The following PHACTR2 variants were observed in gnomAD, a reference collection of about 807,000 sequenced individuals.
PHACTR2 encodes the protein phosphatase and actin regulator 2.
In PHACTR2, 30 loss-of-function variants were observed where a neutral mutation model predicts 76.0. The ratio of observed to expected loss-of-function variants is 0.39; its 90% CI spans 0.30 to 0.54. The LOEUF (loss-of-function observed/expected upper bound fraction) is 0.54. PHACTR2 is among the 20% of genes least tolerant of loss of function. The probability of loss-of-function intolerance (pLI) is 0.61; values close to 1 mark genes in which losing one functional copy is unlikely to be tolerated. For synonymous variants in PHACTR2, 292 were observed against 292.5 expected (o/e 1.00, Z 0.02); for missense variants, 696 against 781.1 (o/e 0.89, Z 1.30).
chr6:143,735,293 A>T (rs993194989), intron 2 of PHACTR2, among the ~76,000 whole-genome samples: 17 of 152,344 alleles, frequency 1.1e-4, no homozygotes, highest in Admixed American at 9.8e-4. Flanking sequence ...AGATAATAAA[A>T]AAACATGATT....
intron 6 of PHACTR2, among the ~76,000 whole-genome samples, chr6:143,771,223 T>TAC (rs1775126900): frequency 8.8e-6 from 1 of 114,134 alleles, no homozygotes; most frequent in Non-Finnish European, 1.8e-5. Flanking sequence ...TATATATATA[T>TAC]ATATATATAT....
rs1332745578 is a variant in PHACTR2 at position 143,596,039 on chromosome 6, G to C, written c.217+58832G>C. On this transcript the variant is annotated intron_variant, in intron 1 of 11. Transcript: ENST00000367584. This position sits in a 1 kb window ranked among gnomAD's most constrained non-coding sequence, Gnocchi z 4.6. ...TACTTTAAAGAATAAAAGAACACTT[G>C]AGAATGATTCAGTTGGCGGAGATTC... Among the ~76,000 whole-genome samples the C allele has an allele frequency of 6.6e-6, 1 of 152,174 alleles. No individual in the cohort carries two copies. Among genetic ancestry groups the C allele is most frequent in the East Asian group, 1.9e-4 (1 of 5,204 alleles).
chr6:143,666,036 C>T (rs927709009), intron 1 of PHACTR2, among the ~76,000 whole-genome samples: 1 of 151,006 alleles, frequency 6.6e-6, no homozygotes, highest in Non-Finnish European at 1.5e-5. Context: ...CCCCAAACCA[C>T]CCCCCAACAG....
chr6:143,791,834 T>C lies in PHACTR2; in HGVS notation c.1845+2924T>C, dbSNP rs1197771160. The stretch of plus-strand genomic sequence containing the variant: ...TTAAAAATATAATTTTTAAACTGGA[T>C]TGTCAAAATGAGTTATTTTATACTA... On this transcript the variant is annotated intron_variant, in intron 11 of 12. Transcript: ENST00000440869. The surrounding 1 kb of genome is among the most constrained non-coding windows in gnomAD (Gnocchi z 4.7). Among the ~76,000 whole-genome samples, 7 of 152,180 alleles carry C rather than the reference T, an allele frequency of 4.6e-5. No homozygotes were observed. The East Asian group carries it at 1.3e-3, about 29-fold the overall frequency.
At position 143,652,560 on chromosome 6, in the gene PHACTR2, A is replaced by C. The variant is rs1399118915; in HGVS notation, c.13+44238A>C. 6.6e-6 allele frequency among the ~76,000 whole-genome samples: 1 copy of C among 152,192 alleles called. No individual in the cohort carries two copies. Among genetic ancestry groups the C allele is most frequent in the African/African-American group, 2.4e-5 (1 of 41,444 alleles). ...CTTGTGGATATTTGTGAGTACACTT[A>C]AGTGTTTTTGTTTTCCACTATGCTA... is the stretch of plus-strand genomic sequence containing the variant. On this transcript the variant is annotated intron_variant, in intron 1 of 11. Coordinates refer to the PHACTR2 transcript ENST00000305766. This position sits in a 1 kb window ranked among gnomAD's most constrained non-coding sequence, Gnocchi z 4.5.
In PHACTR2 at chr6:143,581,365, G is replaced by A. The variant is rs1434638542; in HGVS notation, c.217+44158G>A. Among the ~76,000 whole-genome samples the A allele has an allele frequency of 1.3e-5, 2 of 152,132 alleles. No individual in the cohort carries two copies. Among genetic ancestry groups the A allele is most frequent in the Non-Finnish European group, 2.9e-5 (2 of 68,016 alleles). On this transcript the variant is annotated intron_variant, in intron 1 of 11. Coordinates refer to the PHACTR2 transcript ENST00000367584. The surrounding 1 kb of genome is among the most constrained non-coding windows in gnomAD (Gnocchi z 4.5). ...TAATCCCAGCACTTTGGGAGGTCAA[G>A]ACAAGGAAGGAGGTGAGCTGACAGA...
intron 1 of PHACTR2, among the ~76,000 whole-genome samples, chr6:143,681,727 T>A (rs1453365881): frequency 6.6e-6 from 1 of 152,242 alleles, no homozygotes; most frequent in African/African-American, 2.4e-5. Flanking sequence ...GCTGTTACAT[T>A]TAGGTCAGTA....
chr6:143,600,270 T>G (rs1775798369), intron 1 of PHACTR2, among the ~76,000 whole-genome samples: 1 of 152,206 alleles, frequency 6.6e-6, no homozygotes, highest in South Asian at 2.1e-4. Context: ...TCCCTTTGTT[T>G]GCTGGTTTTG....
intron 1 of PHACTR2, among the ~76,000 whole-genome samples, chr6:143,706,229 G>A (rs76549390): frequency 0.034 from 5,247 of 152,118 alleles, 300 homozygotes; most frequent in African/African-American, 0.12. Context: ...CCCAGCTCTT[G>A]AAGCAGCCTT....
intron 1 of PHACTR2, among the ~76,000 whole-genome samples, chr6:143,576,451 A>G (rs77927343): frequency 0.01 from 1,542 of 152,376 alleles, 40 homozygotes; most frequent in East Asian, 0.055. Context: ...ACATTTATTT[A>G]CTTTAAGCAT....
intron 1 of PHACTR2, among the ~76,000 whole-genome samples, chr6:143,542,209 A>T (rs1168985716): frequency 6.6e-6 from 1 of 152,104 alleles, no homozygotes. Flanking sequence ...CCTGGTGTGG[A>T]CATGTGTGCC....
rs1273323053 is a variant in PHACTR2 at position 143,662,637 on chromosome 6, C to T, written c.14-49379C>T. 6.6e-6 allele frequency among the ~76,000 whole-genome samples: 1 copy of T among 152,106 alleles called. No individual in the cohort carries two copies. The highest frequency in any genetic ancestry group is 2.4e-5 in the African/African-American group (1 of 41,436). ...GCAAAACAGTAATATTTAAATTCACCTTCCTACTAGGGATGTTTCAGTTCT... is the reference window on the plus strand; with the variant it reads ...GCAAAACAGTAATATTTAAATTCACTTTCCTACTAGGGATGTTTCAGTTCT... On this transcript the variant is annotated intron_variant, in intron 1 of 11. Transcript: ENST00000305766. This position sits in a 1 kb window ranked among gnomAD's most constrained non-coding sequence, Gnocchi z 4.7.
Position 143,783,307 on chromosome 6 carries a change from CA to C in PHACTR2, c.1707+28del. Reference sequence around the variant, plus strand: ...TAATGAAATCATAACTATTAATGAGCATATGTGTTTTGAGATATACTTTTAA... The same window carrying C: ...TAATGAAATCATAACTATTAATGAGCTATGTGTTTTGAGATATACTTTTAA... On this transcript the variant is annotated intron_variant, in intron 10 of 12. Coordinates refer to ENST00000440869, the MANE Select transcript of PHACTR2 (RefSeq NM_001100164.2). This position sits in a 1 kb window ranked among gnomAD's most constrained non-coding sequence, Gnocchi z 5.2. 1 of 1,425,298 alleles carries C rather than the reference CA, an allele frequency of 7.0e-7. No homozygotes were observed. The highest frequency in any genetic ancestry group is 1.2e-5 in the South Asian group (1 of 85,970). The allele number at this position is 1,425,298 out of a possible 1,614,324, so 88.3% of individuals were successfully genotyped here. A position where few individuals can be genotyped will look rare whatever the true frequency, so the allele number is the denominator to read the frequency against.
chr6:143,632,395 C>T (rs1204852090), intron 1 of PHACTR2, among the ~76,000 whole-genome samples: 1 of 152,120 alleles, frequency 6.6e-6, no homozygotes, highest in East Asian at 1.9e-4. Context: ...CTAGAATTTG[C>T]AAATAAAGGC....
At chr6:143,779,188 C>T (rs1450919733) in intron 9 of PHACTR2, among the ~76,000 whole-genome samples, 1 of 152,192 alleles carries the variant, frequency 6.6e-6, no homozygotes, top group African/African-American at 2.4e-5. Flanking sequence ...AATGGCCTAA[C>T]TTACAAACAC....
intron 1 of PHACTR2, among the ~76,000 whole-genome samples, chr6:143,642,530 T>C (rs1419906085): frequency 6.6e-6 from 1 of 152,190 alleles, no homozygotes; most frequent in Non-Finnish European, 1.5e-5. Context: ...CCCTACAGCC[T>C]TGCATGTTGA....
chr6:143,562,859 A>G lies in PHACTR2; in HGVS notation c.217+25652A>G, dbSNP rs954728129. 2.0e-5 allele frequency among the ~76,000 whole-genome samples: 3 copies of G among 152,250 alleles called. No individual in the cohort carries two copies. The highest frequency in any genetic ancestry group is 4.1e-4 in the South Asian group (2 of 4,832). On this transcript the variant is annotated intron_variant, in intron 1 of 11. Coordinates refer to the PHACTR2 transcript ENST00000367584. This position sits in a 1 kb window ranked among gnomAD's most constrained non-coding sequence, Gnocchi z 5.1. The stretch of plus-strand genomic sequence containing the variant: ...AACATGGCTTGAAAACATTCTGCTC[A>G]ATGAAATAAGCCAGACACAGATGGA...
In PHACTR2 at chr6:143,730,940, G is replaced by T. The variant is rs1582819824; in HGVS notation, c.215-18045G>T. Among the ~76,000 whole-genome samples, 1 of 152,224 alleles carries T rather than the reference G, an allele frequency of 6.6e-6. No homozygotes were observed. Among genetic ancestry groups the T allele is most frequent in the East Asian group, 1.9e-4 (1 of 5,170 alleles). ...TTTTTGTATTTTTAGTAGAGACGGG[G>T]TTTCACTATGTTGGCCCCAGGCTGG... On this transcript the variant is annotated intron_variant, in intron 2 of 12. Transcript: ENST00000440869. This position sits in a 1 kb window ranked among gnomAD's most constrained non-coding sequence, Gnocchi z 4.8.
rs2328518 is a variant in PHACTR2 at position 143,821,455 on chromosome 6, A to C, written c.1923-2219A>C. Among the ~76,000 whole-genome samples, 12,262 of 152,270 alleles carry C rather than the reference A, an allele frequency of 0.081. 647 individuals carry two copies. The highest frequency in any genetic ancestry group is 0.17 in the Admixed American group (2,591 of 15,298). ...TTTAGTAAGTACTATCACGTGCCGG[A>C]GATTGTATTCAATGAGTATGTAAAA... On this transcript the variant is annotated intron_variant, in intron 12 of 12. Coordinates refer to ENST00000440869, the MANE Select transcript of PHACTR2 (RefSeq NM_001100164.2). This position sits in a 1 kb window ranked among gnomAD's most constrained non-coding sequence, Gnocchi z 5.2.
Sources: gnomAD v4.1 joint callset for allele counts (sites outside exome capture counted in the v4.1 genomes callset) on GRCh38, gnomAD v4.1.1 for gene constraint, Gnocchi (gnomAD v3.1) non-coding constraint, MANE v1.5 for transcripts, NCBI Gene and HGNC (gene_info 2026-07-23, HGNC 2026-07-21) for gene names.